Variants in PCDHA3 observed in about 807,000 individuals in gnomAD.
PCDHA3 encodes the protein protocadherin alpha-3.
In PCDHA3, 41 loss-of-function variants were observed where a neutral mutation model predicts 62.2. That is an observed-to-expected ratio of 0.66 (90% confidence interval 0.51 to 0.86). The LOEUF (loss-of-function observed/expected upper bound fraction) is 0.86. Among genes scored for constraint, PCDHA3 ranks in the 40% least tolerant of loss-of-function variants. PCDHA3 has a pLI of 0.00. For synonymous variants in PCDHA3, 640 were observed against 555.4 expected, an observed-to-expected ratio of 1.15 and a Z score of -2.14; for missense variants, 1,304 against 1,241.2, an observed-to-expected ratio of 1.05 and a Z score of -0.76.
chr5:140,801,604 C>T lies in PCDHA3; in HGVS notation c.407C>T (p.Ala136Val), dbSNP rs371019133. The T allele has an allele frequency of 1.2e-6, 2 of 1,614,158 alleles. No homozygotes were observed. Among genetic ancestry groups the T allele is most frequent in the Non-Finnish European group, 1.7e-6 (2 of 1,180,030 alleles). ...INDNAPVFPM[A>V]VKNLFISESR... is the part of the protein sequence containing the mutation. The stretch of plus-strand genomic sequence containing the variant: ...GACAACGCGCCAGTTTTTCCAATGG[C>T]TGTAAAGAATCTGTTTATTTCCGAA... Residue 136 changes from alanine to valine, a missense_variant, in exon 1 of 4, where the codon GCT becomes GTT. Physicochemically the swap from Ala to Val is moderately conservative, Grantham distance 64. Transcript: ENST00000522353.
chr5:140,807,463 G>C (rs3822349), intron 1 of PCDHA3: 823,078 of 1,568,206 alleles, frequency 0.52, 222,037 homozygotes, highest in Middle Eastern at 0.57. Context: ...GGATCGACCG[G>C]GAGGAGCTGT....
At chr5:140,856,352 A>G in intron 1 of PCDHA3, 1 of 1,598,598 alleles carries the variant, frequency 6.3e-7, no homozygotes, top group South Asian at 1.1e-5. Context: ...CGTGGAGTGC[A>G]GCATCCACCT....
intron 1 of PCDHA3, among the ~76,000 whole-genome samples, chr5:140,895,632 A>T (rs2065081182): frequency 6.6e-6 from 1 of 152,052 alleles, no homozygotes; most frequent in South Asian, 2.1e-4. Context: ...GTCTTTTCAC[A>T]TTCTTTTTTA....
intron 1 of PCDHA3, among the ~76,000 whole-genome samples, chr5:140,976,407 C>T (rs781867787): frequency 1.1e-4 from 17 of 151,868 alleles, no homozygotes; most frequent in Non-Finnish European, 2.1e-4. Flanking sequence ...AAAAATTAGC[C>T]AGGTACGGTG....
chr5:140,928,771 A>G lies in PCDHA3; in HGVS notation c.2395-50178A>G, dbSNP rs1554206294. 2 of 1,613,880 alleles carry G rather than the reference A, an allele frequency of 1.2e-6. No individual in the cohort carries two copies. Among genetic ancestry groups the G allele is most frequent in the East Asian group, 2.2e-5 (1 of 44,892 alleles). ...CCGTACTGCTCGCTTAGTTCTTCCC[A>G]CTGATGCAGTTAAGCAGAGGGTGGT... On this transcript the variant is annotated intron_variant, in intron 1 of 3. Coordinates refer to ENST00000522353, the MANE Select transcript of PCDHA3 (RefSeq NM_018906.3).
chr5:140,838,077 AGTGTGTG>A (rs1241834179), intron 1 of PCDHA3, among the ~76,000 whole-genome samples: 11 of 80,662 alleles, frequency 1.4e-4, no homozygotes, highest in African/African-American at 1.8e-4. Context: ...ATATATATAT[AGTGTGTG>A]TGTGTGTGTG....
At chr5:140,894,414 C>A (rs1554186083) in intron 1 of PCDHA3, among the ~76,000 whole-genome samples, 2 of 151,928 alleles carry the variant, frequency 1.3e-5, no homozygotes, top group African/African-American at 4.8e-5. Flanking sequence ...TCTTTTGTAG[C>A]TAACACTCCT....
intron 1 of PCDHA3, chr5:140,847,977 G>A (rs1781271032): frequency 6.4e-6 from 1 of 155,600 alleles, no homozygotes; most frequent in Non-Finnish European, 1.4e-5. Context: ...CGAGCCATAT[G>A]GGAGATTCTG....
chr5:140,985,357 C>T (rs577732404), intron 3 of PCDHA3, among the ~76,000 whole-genome samples: 1 of 152,298 alleles, frequency 6.6e-6, no homozygotes, highest in East Asian at 1.9e-4. Flanking sequence ...TATAGACCCT[C>T]TGAGGTTATC....
At chr5:140,835,281 G>A (rs2150233250) in intron 1 of PCDHA3, 1 of 1,611,780 alleles carries the variant, frequency 6.2e-7, no homozygotes, top group East Asian at 2.2e-5. Flanking sequence ...CCCCTTAAGT[G>A]GGGCAATCAC....
At chr5:140,987,956 C>T (rs1270495363) in intron 3 of PCDHA3, among the ~76,000 whole-genome samples, 2 of 152,144 alleles carry the variant, frequency 1.3e-5, no homozygotes, top group African/African-American at 4.8e-5. Flanking sequence ...ACAAAACCAA[C>T]TCCCCATGGA....
At chr5:140,920,503 A>G (rs1411233164) in intron 1 of PCDHA3, among the ~76,000 whole-genome samples, 1 of 152,126 alleles carries the variant, frequency 6.6e-6, no homozygotes, top group Non-Finnish European at 1.5e-5. Flanking sequence ...AGTTCTACAT[A>G]CTGTTTTATG....
At chr5:140,848,358 G>T in intron 1 of PCDHA3, 1 of 1,051,266 alleles carries the variant, frequency 9.5e-7, no homozygotes, top group Non-Finnish European at 1.4e-6. Context: ...CTTTTCCCAT[G>T]GGAAAGAGGC....
intron 1 of PCDHA3, chr5:140,929,361 C>T (rs115903226): frequency 3.5e-5 from 53 of 1,519,472 alleles, no homozygotes; most frequent in Middle Eastern, 1.8e-4. Context: ...TCCTTTGGCC[C>T]GGAGATGGCT....
At chr5:140,977,862 A>G (rs142967836) in intron 1 of PCDHA3, among the ~76,000 whole-genome samples, 3 of 152,372 alleles carry the variant, frequency 2.0e-5, no homozygotes, top group African/African-American at 7.2e-5. Context: ...TCTACCAAAT[A>G]TGGTAAGTAT....
chr5:140,835,781 G>C (rs1447627598), intron 1 of PCDHA3: 3 of 1,613,162 alleles, frequency 1.9e-6, no homozygotes, highest in Non-Finnish European at 2.5e-6. Context: ...TCGTGAAGGA[G>C]AACAACCCGC....
At chr5:140,952,445 G>A (rs1187543872) in intron 1 of PCDHA3, among the ~76,000 whole-genome samples, 1 of 152,002 alleles carries the variant, frequency 6.6e-6, no homozygotes, top group Non-Finnish European at 1.5e-5. Flanking sequence ...GCATAATACA[G>A]CCAGGCTCTT....
intron 1 of PCDHA3, chr5:140,823,962 C>T (rs781985847): frequency 6.8e-6 from 11 of 1,614,026 alleles, no homozygotes; most frequent in Non-Finnish European, 9.3e-6. Context: ...CCACCGAGGC[C>T]GTGTGCACAC....
intron 1 of PCDHA3, chr5:140,876,061 C>G (rs782151232): frequency 6.2e-7 from 1 of 1,613,778 alleles, no homozygotes; most frequent in Non-Finnish European, 8.5e-7. Context: ...ATTAGTTCTT[C>G]GGAAGTTATT....
Sources: gnomAD v4.1 joint callset for allele counts (sites outside exome capture counted in the v4.1 genomes callset) on GRCh38, gnomAD v4.1.1 for gene constraint, MANE v1.5 for transcripts, NCBI Gene and HGNC (gene_info 2026-07-23, HGNC 2026-07-21) for gene names.